Variants in NAV1 observed in about 807,000 individuals in gnomAD.
The protein encoded by NAV1 is pore membrane and/or filament interacting like protein 3.
A neutral mutation model predicts 175.2 loss-of-function variants in NAV1; 18 were observed. That is an observed-to-expected ratio of 0.10 (90% CI 0.07 to 0.15). The LOEUF (loss-of-function observed/expected upper bound fraction) is 0.15. NAV1 is among the 10% of genes least tolerant of loss of function. The pLI is 1.00. For missense variants in NAV1, 1,731 were observed against 2,436.6 expected (o/e 0.71, Z 6.10); for synonymous variants, 897 against 978.7 (o/e 0.92, Z 1.56).
upstream of NAV1, among the ~76,000 whole-genome samples, chr1:201,618,822 T>C (rs540130542): frequency 3.3e-5 from 5 of 152,324 alleles, no homozygotes; most frequent in African/African-American, 9.6e-5. Flanking sequence ...AAGGGACTGT[T>C]ACTCTGTCTA....
intron 3 of NAV1, among the ~76,000 whole-genome samples, chr1:201,749,267 C>A (rs1571925395): frequency 6.6e-6 from 1 of 152,218 alleles, no homozygotes; most frequent in Admixed American, 6.5e-5. Flanking sequence ...CAATTATTAG[C>A]CTCACTTCCT....
chr1:201,669,447 C>A (rs569336813), intron 1 of NAV1, among the ~76,000 whole-genome samples: 1 of 152,068 alleles, frequency 6.6e-6, no homozygotes, highest in Non-Finnish European at 1.5e-5. Flanking sequence ...AAGAAGGCCA[C>A]CGAGGTGGCA....
chr1:201,654,937 T>C (rs562932583), intron 1 of NAV1, among the ~76,000 whole-genome samples: 43 of 152,338 alleles, frequency 2.8e-4, no homozygotes, highest in African/African-American at 8.4e-4. Flanking sequence ...CCCGTGGGTC[T>C]GAATTTGCTC....
intron 15 of NAV1, among the ~76,000 whole-genome samples, chr1:201,801,633 G>A (rs902869083): frequency 1.3e-5 from 2 of 152,066 alleles, no homozygotes; most frequent in African/African-American, 2.4e-5. Flanking sequence ...AAAAATCTTT[G>A]ACATTGCACC....
At chr1:201,542,631 G>T (rs543287619) in intron 1 of NAV1, among the ~76,000 whole-genome samples, 1 of 152,088 alleles carries the variant, frequency 6.6e-6, no homozygotes, top group Non-Finnish European at 1.5e-5. Flanking sequence ...AGCGAGGCAG[G>T]ATGGCTGAGA....
rs775861896 is a variant in NAV1 at position 201,803,689 on chromosome 1, C to T, written c.3614C>T (p.Ala1205Val). The change falls in exon 16 of 30, where the codon GCG becomes GTG. Residue 1205 changes from alanine (A) to valine (V), a missense_variant. Ala to Val is a moderately conservative substitution (Grantham distance 64). Coordinates refer to ENST00000367296, the Ensembl canonical transcript of NAV1. ...ATCGGCAGCAGCAAGGATGCTGATG[C>T]GAAAAAGAAGAAAAAAAAGAGTTGG... is the stretch of plus-strand genomic sequence containing the variant. 46 of 1,608,718 alleles carry T rather than the reference C, an allele frequency of 2.9e-5. No individual in the cohort carries two copies. The highest frequency in any genetic ancestry group is 3.5e-5 in the Non-Finnish European group (41 of 1,178,826).
chr1:201,648,467 C>T (rs1571862035), exon 1 of NAV1: 1 of 1,231,932 alleles, frequency 8.1e-7, no homozygotes, highest in East Asian at 3.2e-5. Flanking sequence ...TCCTTCCTCG[C>T]GTTTCTTTCC....
chr1:201,771,697 A>G (rs1675601610), intron 3 of NAV1, among the ~76,000 whole-genome samples: 1 of 152,178 alleles, frequency 6.6e-6, no homozygotes, highest in Non-Finnish European at 1.5e-5. Flanking sequence ...AAGACTCAGG[A>G]AGAAGCAGAA....
intron 3 of NAV1, among the ~76,000 whole-genome samples, chr1:201,720,114 C>T (rs781038941): frequency 2.6e-5 from 4 of 152,262 alleles, no homozygotes; most frequent in Non-Finnish European, 4.4e-5. Context: ...ATGCAGTGCA[C>T]AGATCCTGAG....
intron 1 of NAV1, among the ~76,000 whole-genome samples, chr1:201,659,208 G>A (rs1247076701): frequency 6.6e-6 from 1 of 152,236 alleles, no homozygotes; most frequent in Non-Finnish European, 1.5e-5. Context: ...TCAGTGGCAG[G>A]CATAAGTGGT....
intron 3 of NAV1, among the ~76,000 whole-genome samples, chr1:201,743,244 C>A (rs1352833264): frequency 6.6e-6 from 1 of 152,136 alleles, no homozygotes; most frequent in African/African-American, 2.4e-5. Flanking sequence ...AGTTGAGGCC[C>A]CAGGAGTACT....
rs779370083 is a variant in NAV1, at chr1:201,810,119, T to A, written c.4561+14T>A. On this transcript the variant is annotated intron_variant, in intron 23 of 29. Transcript: ENST00000367296. This position sits in a 1 kb window ranked among gnomAD's most constrained non-coding sequence, Gnocchi z 6.0. ...TCTCCCTCAAAGGTCAGTCTTTGTC[T>A]CTTGGGGTGAGGTGGTGTGGCATGA... The A allele has an allele frequency of 1.2e-6, 2 of 1,612,304 alleles. No individual in the cohort carries two copies. Among genetic ancestry groups the A allele is most frequent in the Non-Finnish European group, 1.7e-6 (2 of 1,178,978 alleles).
At chr1:201,591,701 A>G (rs1258086054) in intron 2 of NAV1, among the ~76,000 whole-genome samples, 1 of 152,092 alleles carries the variant, frequency 6.6e-6, no homozygotes, top group Non-Finnish European at 1.5e-5. Flanking sequence ...TGGCCTGTGA[A>G]TTGCTGCTGC....
intron 1 of NAV1, among the ~76,000 whole-genome samples, chr1:201,691,970 G>C (rs1177658486): frequency 6.6e-6 from 1 of 152,210 alleles, no homozygotes; most frequent in Non-Finnish European, 1.5e-5. Context: ...CCCAGAAAGG[G>C]AGGCATTAGC....
intron 1 of NAV1, among the ~76,000 whole-genome samples, chr1:201,702,494 G>A (rs766846880): frequency 2.0e-5 from 3 of 152,144 alleles, no homozygotes; most frequent in Admixed American, 6.5e-5. Flanking sequence ...AGCCTCCCAA[G>A]TAGGTAGCTG....
chr1:201,613,369 C>T (rs997666257), intron 2 of NAV1, among the ~76,000 whole-genome samples: 11 of 145,614 alleles, frequency 7.6e-5, no homozygotes, highest in Non-Finnish European at 1.1e-4. Context: ...CATAAATTTA[C>T]GTTAAAGGTG....
At chr1:201,732,331 C>T (rs746463699) in intron 3 of NAV1, among the ~76,000 whole-genome samples, 3 of 152,134 alleles carry the variant, frequency 2.0e-5, no homozygotes, top group Admixed American at 6.5e-5. Flanking sequence ...TTAAAATACA[C>T]ACTAATTTTT....
intron 2 of NAV1, among the ~76,000 whole-genome samples, chr1:201,594,378 G>T (rs550805881): frequency 1.7e-4 from 26 of 152,284 alleles, no homozygotes; most frequent in Admixed American, 1.4e-3. Context: ...TGGAAAGCTT[G>T]TGGAGCTCCC....
intron 3 of NAV1, among the ~76,000 whole-genome samples, chr1:201,771,368 G>T (rs970180761): frequency 6.6e-6 from 1 of 151,628 alleles, no homozygotes; most frequent in South Asian, 2.1e-4. Context: ...AAAATTGGCC[G>T]GGCATGGTGG....
Sources: gnomAD v4.1 joint callset for allele counts (sites outside exome capture counted in the v4.1 genomes callset) on GRCh38, gnomAD v4.1.1 for gene constraint, Gnocchi (gnomAD v3.1) non-coding constraint, MANE v1.5 for transcripts, NCBI Gene and HGNC (gene_info 2026-07-23, HGNC 2026-07-21) for gene names.